The following EYS variants were observed in gnomAD, a reference collection of about 807,000 sequenced individuals.
The protein encoded by EYS is protein eyes shut homolog.
In EYS, 250 loss-of-function variants were observed where a neutral mutation model predicts 282.1. That is an observed-to-expected ratio of 0.89 (90% CI 0.80 to 0.98). EYS has a LOEUF of 0.98. EYS is among the 50% of genes least tolerant of loss of function. EYS has a pLI of 0.00. For synonymous variants in EYS, 1,355 were observed against 1,282.9 expected (o/e 1.06, Z -1.20); for missense variants, 4,016 against 3,709.0 (o/e 1.08, Z -2.15).
intron 26 of EYS, among the ~76,000 whole-genome samples, chr6:64,444,705 G>A (rs912043693): frequency 1.2e-4 from 19 of 152,188 alleles, no homozygotes; most frequent in Admixed American, 6.5e-5. Flanking sequence ...ATGTGGAAAT[G>A]TAATCCCCAA....
intron 12 of EYS, among the ~76,000 whole-genome samples, chr6:65,177,742 T>A (rs1765262599): frequency 6.6e-6 from 1 of 152,022 alleles, no homozygotes; most frequent in African/African-American, 2.4e-5. Context: ...ATAATCTACA[T>A]AGATCACTGT....
At chr6:64,248,040 G>T (rs1284658840) in intron 30 of EYS, among the ~76,000 whole-genome samples, 5 of 152,186 alleles carry the variant, frequency 3.3e-5, no homozygotes, top group Non-Finnish European at 5.9e-5. Flanking sequence ...GAAGGACTTG[G>T]CTAGGAGAAG....
chr6:64,279,237 T>C (rs939525491), intron 30 of EYS, among the ~76,000 whole-genome samples: 1 of 152,196 alleles, frequency 6.6e-6, no homozygotes, highest in Non-Finnish European at 1.5e-5. Context: ...GATGATTTTA[T>C]GAAAAAGCCT....
intron 13 of EYS, among the ~76,000 whole-genome samples, chr6:65,020,784 C>T (rs773426726): frequency 2.6e-5 from 4 of 152,194 alleles, no homozygotes; most frequent in Non-Finnish European, 4.4e-5. Context: ...CAGATGTTTC[C>T]ATACATCCTC....
Position 64,185,221 on chromosome 6 carries a change from C to A in EYS, c.6424+45371G>T, listed in dbSNP as rs558989541. Among the ~76,000 whole-genome samples the A allele has an allele frequency of 3.9e-5, 6 of 152,112 alleles. No individual in the cohort carries two copies. The East Asian group carries it at 9.7e-4, about 24-fold the overall frequency. On this transcript the variant is annotated intron_variant, in intron 31 of 42. Transcript: ENST00000503581. ...ATAGCAGTCAAATGGACTAAAACAA[C>A]CACATATTTTAAATCATTGTCCACC...
intron 31 of EYS, among the ~76,000 whole-genome samples, chr6:64,133,647 A>G (rs981498948): frequency 2.6e-5 from 4 of 151,994 alleles, no homozygotes; most frequent in African/African-American, 4.8e-5. Context: ...TTGTATTTTT[A>G]CCATTATTCA....
intron 2 of EYS, among the ~76,000 whole-genome samples, chr6:65,620,251 A>G (rs1340262196): frequency 2.6e-5 from 4 of 152,190 alleles, no homozygotes; most frequent in Non-Finnish European, 4.4e-5. Context: ...TGGTCTATTC[A>G]GAGATTCAGC....
chr6:65,377,393 A>G (rs1334490866), intron 8 of EYS, among the ~76,000 whole-genome samples: 1 of 152,206 alleles, frequency 6.6e-6, no homozygotes, highest in Non-Finnish European at 1.5e-5. Flanking sequence ...AGGGAAATTT[A>G]TAGCACCAGA....
At chr6:65,102,395 A>T (rs1049193976) in intron 12 of EYS, among the ~76,000 whole-genome samples, 38 of 151,344 alleles carry the variant, frequency 2.5e-4, no homozygotes, top group Non-Finnish European at 4.7e-4. Flanking sequence ...AAAAGCAATT[A>T]GCAATTTTAT....
intron 12 of EYS, among the ~76,000 whole-genome samples, chr6:65,229,490 TA>T (rs1374675339): frequency 3.3e-5 from 5 of 151,020 alleles, no homozygotes; most frequent in Admixed American, 3.3e-4. Flanking sequence ...GTATAGAAAA[TA>T]ACATGTACTA....
At chr6:64,217,759 A>G (rs886114626) in intron 31 of EYS, among the ~76,000 whole-genome samples, 2 of 152,152 alleles carry the variant, frequency 1.3e-5, no homozygotes, top group East Asian at 3.9e-4. Flanking sequence ...TAGGTGGTAC[A>G]TGTTCATTGG....
At chr6:64,876,689 A>G (rs1766760625) in intron 19 of EYS, among the ~76,000 whole-genome samples, 2 of 152,116 alleles carry the variant, frequency 1.3e-5, no homozygotes, top group South Asian at 4.1e-4. Context: ...TTATTTTTAT[A>G]TAATGTAGGT....
rs577814433 is a variant in EYS at position 63,789,797 on chromosome 6, A to T, written c.7412-573T>A. On this transcript the variant is annotated intron_variant, in intron 37 of 42. Coordinates refer to ENST00000503581, the MANE Select transcript of EYS (RefSeq NM_001142800.2). ...TCCTTCCATTAGTTCAGAGCCATCC[A>T]TGCAGTACAGTGAGTTCCAGGACCC... Among the ~76,000 whole-genome samples, 5 of 152,308 alleles carry T rather than the reference A, an allele frequency of 3.3e-5. No homozygotes were observed. The South Asian group carries it at 1.0e-3, about 32-fold the overall frequency.
intron 2 of EYS, among the ~76,000 whole-genome samples, chr6:65,528,686 T>C (rs897280645): frequency 3.3e-5 from 5 of 152,126 alleles, no homozygotes; most frequent in Non-Finnish European, 7.3e-5. Flanking sequence ...TCATTATAAA[T>C]TACCTAGTCT....
At chr6:64,372,137 T>TG (rs924547880) in intron 29 of EYS, among the ~76,000 whole-genome samples, 4 of 24,638 alleles carry the variant, frequency 1.6e-4, no homozygotes, top group African/African-American at 3.5e-4. Context: ...TGTGTTTTTT[T>TG]TTTTTTTTTT....
At position 64,591,895 on chromosome 6, in the gene EYS, G is replaced by T; in HGVS notation, c.3972C>A (p.Leu1324=). 6.4e-7 allele frequency: 1 copy of T among 1,550,556 alleles called. No individual in the cohort carries two copies. The highest frequency in any genetic ancestry group is 1.2e-5 in the South Asian group (1 of 83,942). The stretch of plus-strand genomic sequence containing the variant: ...GCTCTCTAGTGACAATCAGTTCTTG[G>T]AGTAAGTAGCTTTCCAAGGGTGTGC... ...RISTPLESYL[L]QELIVTRELS... is the part of the protein sequence containing the mutation. Residue 1324 remains leucine, a synonymous_variant, in exon 26 of 43, where the codon CTC becomes CTA. Coordinates refer to ENST00000503581, the MANE Select transcript of EYS (RefSeq NM_001142800.2).
rs560829735 is a variant in EYS at position 63,730,040 on chromosome 6, C to T, written c.8072-3360G>A. 2.6e-4 allele frequency among the ~76,000 whole-genome samples: 39 copies of T among 152,216 alleles called. No homozygotes were observed. The South Asian group carries it at 7.7e-3, about 30-fold the overall frequency. ...AGTTGTACTGCTGAAAGATACTCTT[C>T]CCTCAGCCTTCCTCAGATCAGCAAA... is the stretch of plus-strand genomic sequence containing the variant. On this transcript the variant is annotated intron_variant, in intron 41 of 42. Transcript: ENST00000503581.
At chr6:65,239,670 G>T (rs1404946380) in intron 12 of EYS, among the ~76,000 whole-genome samples, 1 of 151,968 alleles carries the variant, frequency 6.6e-6, no homozygotes, top group Non-Finnish European at 1.5e-5. Context: ...TAGAAGCTGG[G>T]TGCAACAAGA....
intron 12 of EYS, among the ~76,000 whole-genome samples, chr6:65,096,472 T>A (rs1257226928): frequency 4.6e-5 from 7 of 150,924 alleles, no homozygotes; most frequent in African/African-American, 1.7e-4. Context: ...ACTGTCACTT[T>A]TTACAGAAAT....
Sources: gnomAD v4.1 joint callset for allele counts (sites outside exome capture counted in the v4.1 genomes callset) on GRCh38, gnomAD v4.1.1 for gene constraint, MANE v1.5 for transcripts, NCBI Gene and HGNC (gene_info 2026-07-23, HGNC 2026-07-21) for gene names.